The following MRPS11 variants were observed in gnomAD, a reference collection of about 807,000 sequenced individuals.
MRPS11 encodes the protein small ribosomal subunit protein uS11m.
In MRPS11, 27 loss-of-function variants were observed where a neutral mutation model predicts 24.3. That is an observed-to-expected ratio of 1.11 (90% CI 0.82 to 1.53). The LOEUF (loss-of-function observed/expected upper bound fraction) is 1.53, where lower values mean the gene tolerates loss of function less well. MRPS11 is among the 40% of genes most tolerant of loss of function. The probability of loss-of-function intolerance (pLI) is 0.00; values close to 1 mark genes in which losing one functional copy is unlikely to be tolerated. For synonymous variants in MRPS11, 104 were observed against 98.7 expected (o/e 1.05, Z -0.32); for missense variants, 277 against 256.5 (o/e 1.08, Z -0.55).
intron 2 of MRPS11, among the ~76,000 whole-genome samples, chr15:88,471,010 G>A (rs1482821247): frequency 1.3e-5 from 2 of 152,170 alleles, no homozygotes; most frequent in Non-Finnish European, 2.9e-5. Flanking sequence ...GTCCTTCAGG[G>A]GCTAATACAC....
chr15:88,468,181 T>C, intron 2 of MRPS11, 157 bp downstream of exon 2: 23 of 1,448,622 alleles, frequency 1.6e-5, no homozygotes, highest in Non-Finnish European at 1.9e-5. Flanking sequence ...CATCTAAAAA[T>C]GCGGATAATG....
intron 4 of MRPS11, 86 bp from the exon 5 acceptor site, chr15:88,476,903 A>G (rs1396824562): frequency 1.0e-5 from 14 of 1,388,264 alleles, no homozygotes; most frequent in Non-Finnish European, 1.4e-5. Context: ...CTGAGCTCAC[A>G]CACCCCTTGC....
In MRPS11 at chr15:88,475,225, A is replaced by C. The variant is rs376856888; in HGVS notation, c.397A>C (p.Ile133Leu). 95 of 1,614,134 alleles carry C rather than the reference A, an allele frequency of 5.9e-5. No homozygotes were observed. The highest frequency in any genetic ancestry group is 7.9e-5 in the Non-Finnish European group (93 of 1,180,048). The change falls in exon 4 of 6, where the codon ATA becomes CTA. Residue 133 changes from isoleucine (I) to leucine (L), a missense_variant. Transcript: ENST00000325844. The surrounding 1 kb of genome is among the most constrained non-coding windows in gnomAD (Gnocchi z 4.1). ...AGGCATCGCAGCACAGACAGCAGGC[A>C]TAGCCGCAGCGGCGGTAAGTGTGTG... The part of the protein sequence containing the change: ...GTGIAAQTAG[I>L]AAAARAKQKG...
In MRPS11 at chr15:88,475,397, GT is replaced by G. The variant is rs2055801443; in HGVS notation, c.411+159del. On this transcript the variant is annotated intron_variant, in intron 4 of 5. Transcript: ENST00000325844. The surrounding 1 kb of genome is among the most constrained non-coding windows in gnomAD (Gnocchi z 4.1). ...TGGAGCATTGGTTTGAAAAGGTTTAGTGAAAGGCTCCTCTTTTTTCTTTCTC... is the reference window on the plus strand; with the variant it reads ...TGGAGCATTGGTTTGAAAAGGTTTAGGAAAGGCTCCTCTTTTTTCTTTCTC... Among the ~76,000 whole-genome samples the G allele has an allele frequency of 6.6e-6, 1 of 152,254 alleles. No individual in the cohort carries two copies. Among genetic ancestry groups the G allele is most frequent in the Non-Finnish European group, 1.5e-5 (1 of 68,052 alleles).
chr15:88,468,183 C>A, intron 2 of MRPS11, 159 bp downstream of exon 2: 1 of 1,446,694 alleles, frequency 6.9e-7, no homozygotes, highest in Non-Finnish European at 9.1e-7. Context: ...TCTAAAAATG[C>A]GGATAATGCT....
rs2055635864 is a variant in MRPS11 at position 88,469,386 on chromosome 15, T to C, written c.182+1362T>C. Among the ~76,000 whole-genome samples the C allele has an allele frequency of 6.6e-6, 1 of 152,220 alleles. No individual in the cohort carries two copies. The highest frequency in any genetic ancestry group is 1.5e-5 in the Non-Finnish European group (1 of 68,040). ...CAGGCACTGTTCAGAGTGTTGGGGATATATCCCTGACCAAACAGACAAAAA... is the reference window on the plus strand; with the variant it reads ...CAGGCACTGTTCAGAGTGTTGGGGACATATCCCTGACCAAACAGACAAAAA... On this transcript the variant is annotated intron_variant, in intron 2 of 5. Coordinates refer to ENST00000325844, the MANE Select transcript of MRPS11 (RefSeq NM_022839.5). The surrounding 1 kb of genome is among the most constrained non-coding windows in gnomAD (Gnocchi z 4.4).
At chr15:88,473,446 AGT>A (rs1377765124) in intron 3 of MRPS11, among the ~76,000 whole-genome samples, 2 of 152,256 alleles carry the variant, frequency 1.3e-5, no homozygotes, top group East Asian at 3.8e-4. Flanking sequence ...CATGGGCTAA[AGT>A]GTGTGGCACA....
rs1467371226 is a variant in MRPS11 at position 88,475,048 on chromosome 15, T to C, written c.282-62T>C. On this transcript the variant is annotated intron_variant, in intron 3 of 5. Transcript: ENST00000325844. The surrounding 1 kb of genome is among the most constrained non-coding windows in gnomAD (Gnocchi z 4.1). Reference sequence around the variant, plus strand: ...CACCCAGGCTTCTAGGGGCATAGATTAGCTCTCTCTTATTTCCCTGAAGAA... The same window carrying C: ...CACCCAGGCTTCTAGGGGCATAGATCAGCTCTCTCTTATTTCCCTGAAGAA... 1.3e-6 allele frequency: 2 copies of C among 1,592,602 alleles called. No individual in the cohort carries two copies. The highest frequency in any genetic ancestry group is 8.6e-7 in the Non-Finnish European group (1 of 1,167,026).
intron 2 of MRPS11, chr15:88,472,315 A>T (rs1434215893): frequency 4.2e-6 from 1 of 236,562 alleles, no homozygotes; most frequent in Non-Finnish European, 8.3e-6. Context: ...AGAGGAACCT[A>T]CAAAGGATCT....
chr15:88,473,054 G>A (rs1003566634), intron 3 of MRPS11, among the ~76,000 whole-genome samples: 29 of 152,352 alleles, frequency 1.9e-4, no homozygotes, highest in African/African-American at 6.5e-4. Flanking sequence ...TTTATTAAGT[G>A]TTGCTGGTAG....
Position 88,467,760 on chromosome 15 carries a change from T to C in MRPS11, c.43T>C (p.Trp15Arg), listed in dbSNP as rs781761457. 3.7e-6 allele frequency: 6 copies of C among 1,614,080 alleles called. No homozygotes were observed. In the South Asian group the frequency reaches 5.5e-5, roughly 15 times the overall value. Residue 15 changes from tryptophan to arginine, a missense_variant, in exon 1 of 6, where the codon TGG (tryptophan) becomes CGG (arginine). Physicochemically the swap from Trp to Arg is moderately radical, Grantham distance 101 (BLOSUM62 -3). Coordinates refer to ENST00000325844, the MANE Select transcript of MRPS11 (RefSeq NM_022839.5). ...RNAGSRFLRS[W>R]TWPQTAGRVV... ...CGCGGGGTCGCGGTTCCTGCGGTCC[T>C]GGACTTGGCCCCAGACAGCCGGGTA...
intron 3 of MRPS11, among the ~76,000 whole-genome samples, chr15:88,474,050 C>T (rs1290310604): frequency 6.6e-6 from 1 of 151,728 alleles, no homozygotes; most frequent in Non-Finnish European, 1.5e-5. Context: ...GTGGCATGCA[C>T]CTGTAGTCCC....
rs751431591 is a variant in MRPS11 at position 88,475,287 on chromosome 15, G to T, written c.411+48G>T. 1.1e-5 allele frequency: 18 copies of T among 1,610,906 alleles called. No homozygotes were observed. Among genetic ancestry groups the T allele is most frequent in the Non-Finnish European group, 1.4e-5 (17 of 1,178,916 alleles). ...TCCTTCTAGTGTGTGTTTGCTTTCT[G>T]CATGGCTCATCACTGAGTGGAGAAT... On this transcript the variant is annotated intron_variant, in intron 4 of 5. Transcript: ENST00000325844. This position sits in a 1 kb window ranked among gnomAD's most constrained non-coding sequence, Gnocchi z 4.1.
rs927226982 is a variant in MRPS11 at position 88,475,390 on chromosome 15, A to C, written c.411+151A>C. ...CCCTGATTGGAGCATTGGTTTGAAAAGGTTTAGTGAAAGGCTCCTCTTTTT... is the reference window on the plus strand; with the variant it reads ...CCCTGATTGGAGCATTGGTTTGAAACGGTTTAGTGAAAGGCTCCTCTTTTT... On this transcript the variant is annotated intron_variant, in intron 4 of 5. Coordinates refer to ENST00000325844, the MANE Select transcript of MRPS11 (RefSeq NM_022839.5). The surrounding 1 kb of genome is among the most constrained non-coding windows in gnomAD (Gnocchi z 4.1). 5 of 1,169,190 alleles carry C rather than the reference A, an allele frequency of 4.3e-6. No individual in the cohort carries two copies. The highest frequency in any genetic ancestry group is 1.5e-5 in the African/African-American group (1 of 64,850). The allele number at this position is 1,169,190 out of a possible 1,614,324, so 72.4% of individuals were successfully genotyped here. A position where few individuals can be genotyped will look rare whatever the true frequency, so the allele number is the denominator to read the frequency against.
intron 2 of MRPS11, among the ~76,000 whole-genome samples, chr15:88,470,605 G>A (rs768070099): frequency 6.6e-6 from 1 of 152,196 alleles, no homozygotes; most frequent in African/African-American, 2.4e-5. Context: ...AAGGTGGGGA[G>A]ATCAGCTGTG....
rs1169824734 is a variant in MRPS11 at position 88,475,706 on chromosome 15, A to G, written c.411+467A>G. ...AAAAATAGGCCAGGCGCGATGGCTC[A>G]CAGTTGTAATCCCAGCACTTTGGGA... is the stretch of plus-strand genomic sequence containing the variant. On this transcript the variant is annotated intron_variant, in intron 4 of 5. Transcript: ENST00000325844. This position sits in a 1 kb window ranked among gnomAD's most constrained non-coding sequence, Gnocchi z 4.1. Among the ~76,000 whole-genome samples the G allele has an allele frequency of 6.6e-6, 1 of 152,194 alleles. No homozygotes were observed. The highest frequency in any genetic ancestry group is 1.5e-5 in the Non-Finnish European group (1 of 68,032).
At chr15:88,471,320 G>T (rs1435302017) in intron 2 of MRPS11, among the ~76,000 whole-genome samples, 1 of 152,194 alleles carries the variant, frequency 6.6e-6, no homozygotes, top group Non-Finnish European at 1.5e-5. Flanking sequence ...ATGTGTTTTT[G>T]ATTTGCCTTT....
At position 88,479,034 on chromosome 15, in the gene MRPS11, A is replaced by C. The variant is rs1411085629; in HGVS notation, c.*1055A>C. ...AAATTTAAAAAAATTAAAAAAAAAAACCTGATGATTCTCTAGAAAATAGGG... is the reference window on the plus strand; with the variant it reads ...AAATTTAAAAAAATTAAAAAAAAAACCCTGATGATTCTCTAGAAAATAGGG... On this transcript the variant is annotated 3_prime_UTR_variant, in exon 6 of 6. Coordinates refer to ENST00000325844, the MANE Select transcript of MRPS11 (RefSeq NM_022839.5). 2 of 151,754 alleles carry C rather than the reference A, an allele frequency of 1.3e-5. No individual in the cohort carries two copies. Among genetic ancestry groups the C allele is most frequent in the Admixed American group, 6.6e-5 (1 of 15,240 alleles). 9.4% of individuals were successfully genotyped at this position (151,754 alleles called of 1,614,324 possible).
intron 2 of MRPS11, among the ~76,000 whole-genome samples, chr15:88,470,293 C>T (rs532530617): frequency 2.1e-4 from 32 of 152,162 alleles, no homozygotes; most frequent in African/African-American, 1.2e-4. Context: ...CCAGCCTGGA[C>T]GAGACTCCAT....
Sources: allele counts gnomAD v4.1 joint callset (sites outside exome capture counted in the v4.1 genomes callset), GRCh38; gene constraint gnomAD v4.1.1; non-coding constraint Gnocchi (gnomAD v3.1); transcripts MANE v1.5; gene names NCBI Gene and HGNC (gene_info 2026-07-23, HGNC 2026-07-21).